GRK3: variants seen among roughly 807,000 people sequenced by gnomAD.
The protein encoded by GRK3 is G protein-coupled receptor kinase 3.
GRK3 carries 54 observed loss-of-function variants against 95.7 expected under a neutral mutation model. The observed-to-expected ratio is 0.56, with a 90% CI of 0.45 to 0.71. The LOEUF (loss-of-function observed/expected upper bound fraction) is 0.71. Among genes scored for constraint, GRK3 ranks in the 30% least tolerant of loss-of-function variants. The pLI is 0.00. For missense variants in GRK3, 649 were observed against 851.2 expected, an observed-to-expected ratio of 0.76 and a Z score of 2.96; for synonymous variants, 281 against 290.8, an observed-to-expected ratio of 0.97 and a Z score of 0.34.
intron 2 of GRK3, among the ~76,000 whole-genome samples, chr22:25,622,171 A>G (rs575449946): frequency 4.6e-5 from 7 of 152,318 alleles, no homozygotes; most frequent in South Asian, 4.1e-4. Flanking sequence ...CTCAGAGTCT[A>G]TGCATTCCAG....
chr22:25,651,738 T>G (rs1282876921), intron 3 of GRK3, among the ~76,000 whole-genome samples: 1 of 152,228 alleles, frequency 6.6e-6, no homozygotes, highest in South Asian at 2.1e-4. Flanking sequence ...GTTCCTTATA[T>G]AATAACAATT....
rs2085403367 is a variant in GRK3 at position 25,718,323 on chromosome 22, G to A, written c.1733G>A (p.Arg578His). Residue 578 changes from arginine (R) to histidine (H), a missense_variant, in exon 19 of 21, where the codon CGT (arginine) becomes CAT (histidine). Transcript: ENST00000324198. The stretch of plus-strand genomic sequence containing the variant: ...AACCCATTTCTGACTCAGTGGCAGC[G>A]TCGCTATTTTTACCTCTTTCCAAAT... ...LGNPFLTQWQ[R>H]RYFYLFPNRL... 1.1e-5 allele frequency: 17 copies of A among 1,613,982 alleles called. No homozygotes were observed. Among genetic ancestry groups the A allele is most frequent in the Non-Finnish European group, 1.4e-5 (16 of 1,179,998 alleles).
chr22:25,687,969 G>C (rs1482581373), intron 11 of GRK3, among the ~76,000 whole-genome samples: 1 of 152,196 alleles, frequency 6.6e-6, no homozygotes, highest in Non-Finnish European at 1.5e-5. Context: ...AGGTGCGGTG[G>C]CTCATGCCTG....
chr22:25,637,247 C>T (rs1188940576), intron 2 of GRK3, among the ~76,000 whole-genome samples: 1 of 152,172 alleles, frequency 6.6e-6, no homozygotes, highest in African/African-American at 2.4e-5. Flanking sequence ...TCCTGGTTGT[C>T]AGGTCTTTAA....
intron 17 of GRK3, among the ~76,000 whole-genome samples, chr22:25,714,054 T>C (rs149414533): frequency 1.3e-4 from 20 of 152,338 alleles, no homozygotes; most frequent in African/African-American, 4.1e-4. Flanking sequence ...ATCCTTACCA[T>C]AATTGAAATT....
intron 2 of GRK3, among the ~76,000 whole-genome samples, chr22:25,606,883 A>G (rs1323132700): frequency 2.0e-5 from 3 of 152,220 alleles, no homozygotes; most frequent in Non-Finnish European, 4.4e-5. Flanking sequence ...ATTTTTATCT[A>G]TAAAAGTAGG....
intron 13 of GRK3, among the ~76,000 whole-genome samples, chr22:25,699,993 C>T (rs760365352): frequency 2.6e-5 from 4 of 152,224 alleles, no homozygotes; most frequent in South Asian, 2.1e-4. Context: ...CCCCCGCGCC[C>T]GGCCGCTCTG....
At chr22:25,669,598 G>A (rs2084965420) in intron 6 of GRK3, among the ~76,000 whole-genome samples, 1 of 152,078 alleles carries the variant, frequency 6.6e-6, no homozygotes, top group Non-Finnish European at 1.5e-5. Context: ...TCTTTCCTTT[G>A]TCACAGTTCC....
At chr22:25,610,589 T>C (rs2084489149) in intron 2 of GRK3, among the ~76,000 whole-genome samples, 1 of 152,192 alleles carries the variant, frequency 6.6e-6, no homozygotes, top group Admixed American at 6.5e-5. Flanking sequence ...TTTAAAAACA[T>C]TTCCATGCCT....
chr22:25,611,742 A>C (rs1234881423), intron 2 of GRK3, among the ~76,000 whole-genome samples: 1 of 148,274 alleles, frequency 6.7e-6, no homozygotes, highest in African/African-American at 2.5e-5. Context: ...AGTCTCTTTC[A>C]TTTTCCTAAT....
chr22:25,725,685 G>A lies in GRK3; in HGVS notation c.*3235G>A, dbSNP rs974078475. On this transcript the variant is annotated 3_prime_UTR_variant, in exon 21 of 21. Transcript: ENST00000324198. ...GGGCTGGCCGGGCACGATGGCTCAC[G>A]CCTATAATCCCAGCACTTTGGGAGG... 1 of 398,506 alleles carries A rather than the reference G, an allele frequency of 2.5e-6. No individual in the cohort carries two copies. The highest frequency in any genetic ancestry group is 4.4e-6 in the Non-Finnish European group (1 of 226,046). 24.7% of individuals were successfully genotyped at this position (398,506 alleles called of 1,614,324 possible).
At chr22:25,704,276 C>G (rs1354328426) in intron 15 of GRK3, 67 bp downstream of exon 15, 2 of 1,186,596 alleles carry the variant, frequency 1.7e-6, no homozygotes, top group African/African-American at 3.1e-5. Context: ...TAAATACTGT[C>G]TATCAAAAGT....
rs373695657 is a variant in GRK3, at chr22:25,565,118, C to T, written c.78C>T (p.Ala26=). The T allele has an allele frequency of 6.5e-7, 1 of 1,550,148 alleles. No individual in the cohort carries two copies. Among genetic ancestry groups the T allele is most frequent in the Non-Finnish European group, 8.7e-7 (1 of 1,152,068 alleles). ...AGAAGAGCAAGGCGACCCCGGCCGC[C>T]CGCGCCAGCAAGAGGATCGTCCTGC... ...AMEKSKATPA[A]RASKRIVLPE... is the part of the protein sequence containing the mutation. The change falls in exon 1 of 21, where the codon GCC becomes GCT. Residue 26 remains alanine (A), a synonymous_variant. Transcript: ENST00000324198.
At chr22:25,582,923 T>A (rs1315427031) in intron 1 of GRK3, among the ~76,000 whole-genome samples, 1 of 152,212 alleles carries the variant, frequency 6.6e-6, no homozygotes, top group Non-Finnish European at 1.5e-5. Context: ...AAGGAGGAGA[T>A]GAATGGATAC....
chr22:25,621,761 C>T (rs1183827960), intron 2 of GRK3, among the ~76,000 whole-genome samples: 1 of 152,140 alleles, frequency 6.6e-6, no homozygotes, highest in Admixed American at 6.5e-5. Flanking sequence ...GGTTTGTATC[C>T]TCAAATACCT....
chr22:25,718,649 G>A (rs1032890847), intron 19 of GRK3, among the ~76,000 whole-genome samples: 1 of 152,198 alleles, frequency 6.6e-6, no homozygotes, highest in African/African-American at 2.4e-5. Context: ...AGGCTGGAGA[G>A]CAGTTAGACA....
rs531734589 is a variant in GRK3, at chr22:25,608,894, C to A, written c.190+4441C>A. ...TCACTAAGTTTCTGGTGACTTTTGA[C>A]ACATGAGAAAACTAATACAGCAGGC... On this transcript the variant is annotated intron_variant, in intron 2 of 20. Transcript: ENST00000324198. Among the ~76,000 whole-genome samples the A allele has an allele frequency of 9.8e-5, 15 of 152,334 alleles. 1 individual carries two copies. In the South Asian group the frequency reaches 2.5e-3, roughly 25 times the overall value.
At chr22:25,647,226 G>A (rs977821013) in intron 3 of GRK3, 8 of 237,542 alleles carry the variant, frequency 3.4e-5, no homozygotes, top group East Asian at 1.5e-4. Flanking sequence ...CAGCAGCAGC[G>A]ACTCATGAGA....
At chr22:25,673,222 C>T (rs954165796) in intron 7 of GRK3, among the ~76,000 whole-genome samples, 14 of 151,980 alleles carry the variant, frequency 9.2e-5, no homozygotes, top group African/African-American at 2.2e-4. Context: ...CCACCATGCC[C>T]GGCTAATTTT....
Sources: allele counts gnomAD v4.1 joint callset (sites outside exome capture counted in the v4.1 genomes callset), GRCh38; gene constraint gnomAD v4.1.1; transcripts MANE v1.5; gene names NCBI Gene and HGNC (gene_info 2026-07-23, HGNC 2026-07-21).